The following DIAPH3 variants were observed in gnomAD, a reference collection of about 807,000 sequenced individuals.
DIAPH3 encodes the protein diaphanous related formin 3, also known as protein diaphanous homolog 3.
In DIAPH3, 117 loss-of-function variants were observed where a neutral mutation model predicts 144.3. That is an observed-to-expected ratio of 0.81 (90% CI 0.70 to 0.95). DIAPH3 has a LOEUF of 0.95. DIAPH3 is among the 40% of genes least tolerant of loss of function. The pLI is 0.00. For missense variants in DIAPH3, 1,421 were observed against 1,412.7 expected, an observed-to-expected ratio of 1.01 and a Z score of -0.09; for synonymous variants, 519 against 488.9, an observed-to-expected ratio of 1.06 and a Z score of -0.81.
At chr13:59,967,388 C>G (rs2050122551) in intron 17 of DIAPH3, among the ~76,000 whole-genome samples, 1 of 151,944 alleles carries the variant, frequency 6.6e-6, no homozygotes. Context: ...GTTTTGAATT[C>G]TGCAGCAATT....
intron 20 of DIAPH3, among the ~76,000 whole-genome samples, chr13:59,909,154 G>A (rs2046873669): frequency 6.6e-6 from 1 of 152,098 alleles, no homozygotes. Flanking sequence ...TATTATGGAA[G>A]TCTTACAGAA....
chr13:59,800,107 C>T (rs1196846259), intron 25 of DIAPH3, among the ~76,000 whole-genome samples: 2 of 152,168 alleles, frequency 1.3e-5, no homozygotes, highest in African/African-American at 4.8e-5. Flanking sequence ...AGGCTAAAAA[C>T]ATGCACACAA....
At chr13:60,059,237 A>G (rs1384987219) in intron 4 of DIAPH3, among the ~76,000 whole-genome samples, 5 of 151,848 alleles carry the variant, frequency 3.3e-5, no homozygotes, top group Non-Finnish European at 7.4e-5. Context: ...AAGAGGAGAA[A>G]GGGTAGTGAC....
At chr13:60,099,949 AAG>A (rs2058221041) in intron 3 of DIAPH3, among the ~76,000 whole-genome samples, 1 of 142,596 alleles carries the variant, frequency 7.0e-6, no homozygotes, top group African/African-American at 3.1e-5. Context: ...GGAAGGAAGG[AAG>A]GAAGGAAGGA....
At chr13:59,913,475 A>T (rs1457613550) in intron 19 of DIAPH3, among the ~76,000 whole-genome samples, 1 of 152,094 alleles carries the variant, frequency 6.6e-6, no homozygotes, top group Non-Finnish European at 1.5e-5. Flanking sequence ...TCTATTCTAC[A>T]TCTATACCTA....
intron 27 of DIAPH3, among the ~76,000 whole-genome samples, chr13:59,772,599 T>C (rs1000371465): frequency 6.6e-6 from 1 of 152,092 alleles, no homozygotes; most frequent in Non-Finnish European, 1.5e-5. Flanking sequence ...AGCCATTATA[T>C]CCCAGACACT....
At chr13:60,004,494 C>T (rs1327189624) in intron 9 of DIAPH3, among the ~76,000 whole-genome samples, 1 of 152,124 alleles carries the variant, frequency 6.6e-6, no homozygotes, top group Non-Finnish European at 1.5e-5. Flanking sequence ...AAGCCTGCTA[C>T]CTGCTAGCTA....
intron 4 of DIAPH3, among the ~76,000 whole-genome samples, chr13:60,065,820 G>C (rs559731082): frequency 2.6e-5 from 4 of 152,172 alleles, no homozygotes; most frequent in African/African-American, 7.2e-5. Context: ...GGTGGGGGTG[G>C]GTAGGTAATT....
chr13:60,078,207 A>G (rs1428006058), intron 4 of DIAPH3, among the ~76,000 whole-genome samples: 1 of 152,124 alleles, frequency 6.6e-6, no homozygotes, highest in African/African-American at 2.4e-5. Flanking sequence ...CAACACAAAA[A>G]GGGAGAACCA....
chr13:59,812,599 T>C (rs1242523510), intron 24 of DIAPH3, among the ~76,000 whole-genome samples: 5 of 152,166 alleles, frequency 3.3e-5, no homozygotes, highest in Admixed American at 6.6e-5. Context: ...TCACTCTGAC[T>C]TGATTCAAGC....
At chr13:59,710,208 C>T (rs969379883) in intron 27 of DIAPH3, among the ~76,000 whole-genome samples, 1 of 148,664 alleles carries the variant, frequency 6.7e-6, no homozygotes, top group Non-Finnish European at 1.5e-5. Context: ...AACTAACCTG[C>T]ACATTGTGCA....
intron 17 of DIAPH3, among the ~76,000 whole-genome samples, chr13:59,930,919 T>C (rs1401325828): frequency 6.6e-6 from 1 of 152,082 alleles, no homozygotes; most frequent in Non-Finnish European, 1.5e-5. Context: ...TAGTGGGAAA[T>C]AGACTAATTA....
chr13:59,699,223 T>C (rs2033975532), intron 27 of DIAPH3, among the ~76,000 whole-genome samples: 2 of 152,196 alleles, frequency 1.3e-5, no homozygotes, highest in South Asian at 4.1e-4. Flanking sequence ...TTACAAAGAA[T>C]GGTTGGAGTA....
intron 4 of DIAPH3, among the ~76,000 whole-genome samples, chr13:60,052,598 G>A (rs1198989151): frequency 6.6e-6 from 1 of 152,170 alleles, no homozygotes; most frequent in African/African-American, 2.4e-5. Flanking sequence ...CTACAGGGCA[G>A]TGTCTGCATC....
intron 20 of DIAPH3, among the ~76,000 whole-genome samples, chr13:59,906,181 C>T (rs1043585518): frequency 2.0e-5 from 3 of 152,118 alleles, no homozygotes; most frequent in Admixed American, 1.3e-4. Flanking sequence ...GAAACTACAA[C>T]TAAGTGTCCT....
At chr13:59,965,967 T>C (rs1290508580) in intron 17 of DIAPH3, among the ~76,000 whole-genome samples, 1 of 152,086 alleles carries the variant, frequency 6.6e-6, no homozygotes, top group African/African-American at 2.4e-5. Context: ...AAAAACATAA[T>C]CTGGAAAAGT....
intron 2 of DIAPH3, among the ~76,000 whole-genome samples, chr13:60,127,599 C>A (rs1432793353): frequency 2.0e-5 from 3 of 152,026 alleles, no homozygotes; most frequent in Non-Finnish European, 4.4e-5. Context: ...TGAAGTTAAA[C>A]CAATTGTAGT....
At chr13:59,741,164 AATGAGT>A (rs10601498) in intron 27 of DIAPH3, among the ~76,000 whole-genome samples, 51,912 of 151,698 alleles carry the variant, frequency 0.34, 9,249 homozygotes, top group African/African-American at 0.44. Flanking sequence ...AAAGAAAATG[AATGAGT>A]ATAAGGGCTG....
chr13:59,690,273 C>A (rs574720903), intron 27 of DIAPH3, among the ~76,000 whole-genome samples: 1 of 152,210 alleles, frequency 6.6e-6, no homozygotes, highest in Admixed American at 6.6e-5. Context: ...CATTACTTTA[C>A]CTTTTCTTCA....
Sources: gnomAD v4.1 joint callset for allele counts (sites outside exome capture counted in the v4.1 genomes callset) on GRCh38, gnomAD v4.1.1 for gene constraint, MANE v1.5 for transcripts, NCBI Gene and HGNC (gene_info 2026-07-23, HGNC 2026-07-21) for gene names.